FGF14: variants seen among roughly 807,000 people sequenced by gnomAD.
FGF14 encodes the protein fibroblast growth factor homologous factor 4.
A neutral mutation model predicts 25.5 loss-of-function variants in FGF14; 5 were observed. The observed-to-expected ratio is 0.20, with a 90% CI of 0.10 to 0.41. The LOEUF is 0.41. Ranked by LOEUF, FGF14 falls within the 10% of genes least tolerant of loss-of-function variation. The pLI, the probability that FGF14 is intolerant of heterozygous loss-of-function variation, is 1.00. For missense variants in FGF14, 222 were observed against 320.1 expected, an observed-to-expected ratio of 0.69 and a Z score of 2.34; for synonymous variants, 138 against 118.3, an observed-to-expected ratio of 1.17 and a Z score of -1.08.
chr13:101,925,108 A>G (rs1489267769), intron 1 of FGF14, among the ~76,000 whole-genome samples: 1 of 152,248 alleles, frequency 6.6e-6, no homozygotes, highest in Non-Finnish European at 1.5e-5. Context: ...GAATGAGAAC[A>G]CAACATCCAA....
chr13:101,797,039 G>A (rs536912932), intron 3 of FGF14, among the ~76,000 whole-genome samples: 1 of 152,006 alleles, frequency 6.6e-6, no homozygotes, highest in Non-Finnish European at 1.5e-5. Flanking sequence ...CAACTCCACT[G>A]CCTATCAGCT....
At chr13:101,956,476 T>G (rs1040284420) in intron 1 of FGF14, among the ~76,000 whole-genome samples, 1 of 152,160 alleles carries the variant, frequency 6.6e-6, no homozygotes, top group Non-Finnish European at 1.5e-5. Context: ...AGGCCTGGAA[T>G]GTATCGGGAG....
intron 1 of FGF14, among the ~76,000 whole-genome samples, chr13:102,018,516 T>C (rs2040463206): frequency 6.6e-6 from 1 of 152,160 alleles, no homozygotes; most frequent in Non-Finnish European, 1.5e-5. Flanking sequence ...TACCAAAGTA[T>C]GACCCTGAAA....
intron 1 of FGF14, among the ~76,000 whole-genome samples, chr13:101,890,745 T>C (rs2046225024): frequency 6.6e-6 from 1 of 152,128 alleles, no homozygotes. Context: ...CACAGCAAGA[T>C]GTCCAGGCCC....
chr13:101,728,738 G>A lies in FGF14; in HGVS notation c.409-1928C>T, dbSNP rs138130781. Among the ~76,000 whole-genome samples, 653 of 152,244 alleles carry A rather than the reference G, an allele frequency of 4.3e-3. 4 individuals carry two copies. Among genetic ancestry groups the A allele is most frequent in the Non-Finnish European group, 7.7e-3 (525 of 68,024 alleles). ...CAAAATCAGCTATGAGTGACATGCT[G>A]AGAGCTGACTTAGTGGGTCACTTAG... On this transcript the variant is annotated intron_variant, in intron 3 of 4. Coordinates refer to ENST00000376143, the MANE Select transcript of FGF14 (RefSeq NM_004115.4).
At chr13:102,253,523 T>C (rs1359931137) in intron 1 of FGF14, among the ~76,000 whole-genome samples, 1 of 152,246 alleles carries the variant, frequency 6.6e-6, no homozygotes, top group Non-Finnish European at 1.5e-5. Flanking sequence ...GGTTGTTTTT[T>C]TCCTGTAAAT....
intron 1 of FGF14, among the ~76,000 whole-genome samples, chr13:102,208,604 T>A (rs2050036440): frequency 6.6e-6 from 1 of 152,208 alleles, no homozygotes; most frequent in Admixed American, 6.5e-5. Flanking sequence ...GTGTACATAT[T>A]CCCTGTTAAA....
intron 3 of FGF14, among the ~76,000 whole-genome samples, chr13:101,742,547 A>G (rs1210143034): frequency 6.6e-6 from 1 of 152,152 alleles, no homozygotes; most frequent in Non-Finnish European, 1.5e-5. Flanking sequence ...TGGAAACATC[A>G]CTTCACCTTC....
At chr13:102,159,737 T>G (rs944696758) in intron 1 of FGF14, among the ~76,000 whole-genome samples, 1 of 152,200 alleles carries the variant, frequency 6.6e-6, no homozygotes, top group East Asian at 1.9e-4. Context: ...AGTGCCAAAT[T>G]ACAACATACA....
intron 1 of FGF14, among the ~76,000 whole-genome samples, chr13:102,227,114 T>C (rs2050859612): frequency 6.6e-6 from 1 of 152,160 alleles, no homozygotes; most frequent in Non-Finnish European, 1.5e-5. Context: ...TAATGGATTC[T>C]TATTTTTCTC....
chr13:102,192,781 T>C (rs1364391776), intron 1 of FGF14, among the ~76,000 whole-genome samples: 2 of 152,214 alleles, frequency 1.3e-5, no homozygotes, highest in Non-Finnish European at 2.9e-5. Flanking sequence ...TTTCCAGTAA[T>C]GTTTTTCCTC....
At chr13:102,355,591 C>T (rs1174476547) in intron 1 of FGF14, among the ~76,000 whole-genome samples, 1 of 149,390 alleles carries the variant, frequency 6.7e-6, no homozygotes, top group East Asian at 1.9e-4. Flanking sequence ...AAATTGTTAC[C>T]CCAAATAACA....
At chr13:102,250,806 A>G (rs189409102) in intron 1 of FGF14, among the ~76,000 whole-genome samples, 4 of 152,348 alleles carry the variant, frequency 2.6e-5, no homozygotes, top group Admixed American at 6.5e-5. Flanking sequence ...CTAAATCTCT[A>G]TCCCGTAAAA....
At position 102,192,082 on chromosome 13, in the gene FGF14, C is replaced by T. The variant is rs552162923; in HGVS notation, c.208+209389G>A. ...ACAGCCCTGTCTCCAAGGCCCCACC[C>T]CCAGGCTTTAGTCAGAGGCCATATG... On this transcript the variant is annotated intron_variant, in intron 1 of 4. Coordinates refer to the FGF14 transcript ENST00000376131. Among the ~76,000 whole-genome samples the T allele has an allele frequency of 8.5e-5, 13 of 152,316 alleles. 1 individual carries two copies. In the East Asian group the frequency reaches 2.3e-3, roughly 27 times the overall value.
At chr13:101,785,307 C>T (rs2039742169) in intron 3 of FGF14, among the ~76,000 whole-genome samples, 1 of 150,126 alleles carries the variant, frequency 6.7e-6, no homozygotes, top group Non-Finnish European at 1.5e-5. Context: ...ATGACAGACT[C>T]TATTTAAATA....
intron 1 of FGF14, among the ~76,000 whole-genome samples, chr13:101,997,072 C>A (rs568143462): frequency 6.6e-6 from 1 of 152,212 alleles, no homozygotes; most frequent in Non-Finnish European, 1.5e-5. Context: ...CTCAGCCGGG[C>A]ACTCTTTTAC....
chr13:102,322,030 C>A (rs947255227), intron 1 of FGF14, among the ~76,000 whole-genome samples: 1 of 152,170 alleles, frequency 6.6e-6, no homozygotes, highest in Non-Finnish European at 1.5e-5. Context: ...GAGAGAGGCA[C>A]CCAAACCCTG....
intron 1 of FGF14, among the ~76,000 whole-genome samples, chr13:101,962,040 A>G (rs903270433): frequency 4.7e-5 from 7 of 150,154 alleles, no homozygotes; most frequent in Admixed American, 3.4e-4. Context: ...TGTCTTGTTT[A>G]TACAGGCTTT....
chr13:101,989,015 G>C (rs1012888081), intron 1 of FGF14, among the ~76,000 whole-genome samples: 2 of 151,922 alleles, frequency 1.3e-5, no homozygotes, highest in South Asian at 4.2e-4. Context: ...TGAATTTTCA[G>C]GTTGCTTGAG....
Sources: gnomAD v4.1 joint callset for allele counts (sites outside exome capture counted in the v4.1 genomes callset) on GRCh38, gnomAD v4.1.1 for gene constraint, MANE v1.5 for transcripts, NCBI Gene and HGNC (gene_info 2026-07-23, HGNC 2026-07-21) for gene names.